ARHGAP24: variants seen among roughly 807,000 people sequenced by gnomAD.
ARHGAP24 encodes rho GTPase-activating protein 24.
ARHGAP24 carries 50 observed loss-of-function variants against 76.4 expected under a neutral mutation model. The ratio of observed to expected loss-of-function variants is 0.65; its 90% CI spans 0.52 to 0.83. The LOEUF is 0.83. Ranked by LOEUF, ARHGAP24 falls within the 40% of genes least tolerant of loss-of-function variation. The probability of loss-of-function intolerance (pLI) is 0.00; values close to 1 mark genes in which losing one functional copy is unlikely to be tolerated. For missense variants in ARHGAP24, 930 were observed against 914.2 expected (o/e 1.02, Z -0.22); for synonymous variants, 345 against 323.3 (o/e 1.07, Z -0.72).
At chr4:85,882,677 A>G (rs1330654239) in intron 3 of ARHGAP24, among the ~76,000 whole-genome samples, 4 of 152,166 alleles carry the variant, frequency 2.6e-5, no homozygotes, top group African/African-American at 9.7e-5. Flanking sequence ...AGATTCAAGA[A>G]GCATTTAGCA....
intron 1 of ARHGAP24, among the ~76,000 whole-genome samples, chr4:85,504,904 G>C (rs1723976173): frequency 6.6e-6 from 1 of 152,082 alleles, no homozygotes. Flanking sequence ...AGCTCTTTTA[G>C]GGCAGGCCTG....
intron 2 of ARHGAP24, among the ~76,000 whole-genome samples, chr4:85,663,520 T>A (rs1185777191): frequency 6.7e-6 from 1 of 149,128 alleles, no homozygotes; most frequent in East Asian, 1.9e-4. Context: ...TTCCTTCTCC[T>A]GCCTAATTGC....
chr4:85,479,768 G>A lies in ARHGAP24; in HGVS notation c.-21+4209G>A, dbSNP rs376152914. Among the ~76,000 whole-genome samples the A allele has an allele frequency of 9.2e-5, 14 of 152,272 alleles. No individual in the cohort carries two copies. The East Asian group carries it at 2.7e-3, about 29-fold the overall frequency. On this transcript the variant is annotated intron_variant, in intron 1 of 9. Coordinates refer to ENST00000395184, the MANE Select transcript of ARHGAP24 (RefSeq NM_001025616.3). ...AGTTATTTTTGCTAATATGTAGAAA[G>A]GGGCTTACACACTGTTTAGACTAAA...
chr4:85,994,773 G>A lies in ARHGAP24; in HGVS notation c.1119G>A (p.Gln373=), dbSNP rs767312844. 4.3e-6 allele frequency: 7 copies of A among 1,613,998 alleles called. No individual in the cohort carries two copies. The highest frequency in any genetic ancestry group is 1.3e-5 in the African/African-American group (1 of 74,910). Residue 373 remains glutamine, a synonymous_variant, in exon 9 of 10, where the codon CAG becomes CAA. Coordinates refer to ENST00000395184, the MANE Select transcript of ARHGAP24 (RefSeq NM_001025616.3). ...NNNTKDSPSR[Q]CSWDKSESPQ... is the part of the protein sequence containing the mutation. ...ACACCAAGGACAGCCCTAGTAGGCA[G>A]TGCTCCTGGGACAAGTCTGAGTCAC...
chr4:85,825,204 G>A (rs1387025185), intron 3 of ARHGAP24, among the ~76,000 whole-genome samples: 1 of 152,142 alleles, frequency 6.6e-6, no homozygotes, highest in African/African-American at 2.4e-5. Flanking sequence ...CACTTTTATT[G>A]TTTTTCAATT....
intron 1 of ARHGAP24, among the ~76,000 whole-genome samples, chr4:85,567,992 A>G (rs577077762): frequency 3.3e-4 from 51 of 152,342 alleles, no homozygotes; most frequent in African/African-American, 1.1e-3. Flanking sequence ...ATAAAAATAT[A>G]GGCATTATAG....
chr4:85,837,288 C>A (rs1730342572), intron 3 of ARHGAP24, among the ~76,000 whole-genome samples: 2 of 152,154 alleles, frequency 1.3e-5, no homozygotes, highest in South Asian at 4.1e-4. Context: ...CTAACTGGGT[C>A]ATACAATCTA....
intron 5 of ARHGAP24, among the ~76,000 whole-genome samples, chr4:85,945,074 G>A (rs770930027): frequency 4.5e-4 from 68 of 152,072 alleles, no homozygotes; most frequent in Non-Finnish European, 8.1e-4. Context: ...TCGAACTGCC[G>A]AGCTCAGGTG....
At chr4:85,990,763 CA>C (rs1740274149) in intron 8 of ARHGAP24, 2 of 151,634 alleles carry the variant, frequency 1.3e-5, no homozygotes, top group African/African-American at 4.8e-5. Context: ...ACATCACATA[CA>C]AAAAACTTAA....
At chr4:85,668,948 G>A (rs1010524768) in intron 2 of ARHGAP24, among the ~76,000 whole-genome samples, 3 of 152,206 alleles carry the variant, frequency 2.0e-5, no homozygotes, top group African/African-American at 7.2e-5. Flanking sequence ...TCTGAACTAA[G>A]ATGAACATTG....
intron 2 of ARHGAP24, among the ~76,000 whole-genome samples, chr4:85,695,226 T>A (rs527977188): frequency 1.2e-4 from 19 of 152,306 alleles, no homozygotes; most frequent in South Asian, 8.3e-4. Context: ...CATCTCTACA[T>A]AAAAAATTAA....
At chr4:85,867,624 A>G in intron 3 of ARHGAP24, among the ~76,000 whole-genome samples, 1 of 151,814 alleles carries the variant, frequency 6.6e-6, no homozygotes, top group Non-Finnish European at 1.5e-5. Flanking sequence ...GAGAGGAAAA[A>G]AGTGGAAATA....
chr4:85,683,118 G>A (rs1275237158), intron 2 of ARHGAP24, among the ~76,000 whole-genome samples: 1 of 37,674 alleles, frequency 2.7e-5, no homozygotes, highest in Non-Finnish European at 5.6e-5. Context: ...GTGGGGGGGT[G>A]GGGGGGGGGT....
intron 3 of ARHGAP24, among the ~76,000 whole-genome samples, chr4:85,855,548 G>A (rs2601832): frequency 0.88 from 132,613 of 150,944 alleles, 59,268 homozygotes; most frequent in Non-Finnish European, 0.97. Context: ...CTCTACTAAA[G>A]TACAAAAATT....
At chr4:85,706,382 T>G (rs756538907) in intron 2 of ARHGAP24, among the ~76,000 whole-genome samples, 1 of 152,138 alleles carries the variant, frequency 6.6e-6, no homozygotes, top group Non-Finnish European at 1.5e-5. Context: ...AATTTCATCT[T>G]GCTTACTAAA....
At chr4:85,704,104 T>C (rs1724208424) in intron 2 of ARHGAP24, among the ~76,000 whole-genome samples, 1 of 152,194 alleles carries the variant, frequency 6.6e-6, no homozygotes, top group African/African-American at 2.4e-5. Context: ...GTGTTATCAG[T>C]AGCTCCTTAC....
intron 4 of ARHGAP24, among the ~76,000 whole-genome samples, chr4:85,929,158 AAGGGC>A (rs1736180941): frequency 6.6e-6 from 1 of 152,000 alleles, no homozygotes; most frequent in Non-Finnish European, 1.5e-5. Context: ...GAAGTGCTTG[AAGGGC>A]AGCACTGTCT....
At chr4:85,849,414 C>T (rs1731088702) in intron 3 of ARHGAP24, among the ~76,000 whole-genome samples, 1 of 152,156 alleles carries the variant, frequency 6.6e-6, no homozygotes, top group Non-Finnish European at 1.5e-5. Flanking sequence ...TTGACTTCCT[C>T]CTTTCCTAAT....
At position 85,625,710 on chromosome 4, in the gene ARHGAP24, C is replaced by G. The variant is rs576202525; in HGVS notation, c.180+54989C>G. 4.1e-4 allele frequency among the ~76,000 whole-genome samples: 62 copies of G among 152,266 alleles called. No individual in the cohort carries two copies. The South Asian group carries it at 8.5e-3, about 21-fold the overall frequency. On this transcript the variant is annotated intron_variant, in intron 2 of 9. Transcript: ENST00000395184. ...ATTATTATTCTGTGGGAGTCTAAGT[C>G]TCTTTGTAGGTCACTAAGGACTTGC...
Sources: gnomAD v4.1 joint callset for allele counts (sites outside exome capture counted in the v4.1 genomes callset) on GRCh38, gnomAD v4.1.1 for gene constraint, MANE v1.5 for transcripts, NCBI Gene and HGNC (gene_info 2026-07-23, HGNC 2026-07-21) for gene names.